NOMO1: variants seen among roughly 807,000 people sequenced by gnomAD.
NOMO1 encodes the protein nodal modulator 3.
NOMO1 carries 40 observed loss-of-function variants against 133.8 expected under a neutral mutation model. That is an observed-to-expected ratio of 0.30 (90% CI 0.23 to 0.39). The LOEUF is 0.39. NOMO1 is among the 10% of genes least tolerant of loss of function. The pLI is 1.00. For missense variants in NOMO1, 462 were observed against 1,419.9 expected (o/e 0.33, Z 10.84); for synonymous variants, 236 against 570.5 (o/e 0.41, Z 8.36).
intron 26 of NOMO1, among the ~76,000 whole-genome samples, chr16:14,883,082 CTT>C (rs1444062649): frequency 6.6e-6 from 1 of 152,008 alleles, no homozygotes; most frequent in African/African-American, 2.4e-5. Context: ...TGGGCAGAGT[CTT>C]TTGATACTCA....
intron 26 of NOMO1, 117 bp downstream of exon 26, chr16:14,882,794 T>C (rs1964264161): frequency 2.0e-6 from 3 of 1,537,302 alleles, no homozygotes; most frequent in Non-Finnish European, 2.7e-6. Context: ...TTCATCCTAA[T>C]TAAGGGTCCT....
intron 4 of NOMO1, among the ~76,000 whole-genome samples, chr16:14,845,404 G>A (rs1441414373): frequency 6.6e-6 from 1 of 151,986 alleles, no homozygotes; most frequent in East Asian, 1.9e-4. Flanking sequence ...CACTCTCTAA[G>A]CCTTGTGGCA....
At chr16:14,871,499 G>A (rs1315903950) in intron 16 of NOMO1, 122 bp from the exon 17 acceptor site, 2 of 935,416 alleles carry the variant, frequency 2.1e-6, no homozygotes, top group African/African-American at 3.4e-5. Context: ...TCCCATTATT[G>A]CAGATCTGCG....
intron 9 of NOMO1, 88 bp from the exon 10 acceptor site, chr16:14,857,129 A>G: frequency 6.3e-7 from 1 of 1,577,104 alleles, no homozygotes; most frequent in South Asian, 1.1e-5. Context: ...CAGACATGGT[A>G]GGTGGTGGCC....
intron 27 of NOMO1, 27 bp from the exon 28 acceptor site, chr16:14,886,734 C>G: frequency 6.2e-7 from 1 of 1,610,488 alleles, no homozygotes. Context: ...AGTTTCAAAG[C>G]ATGTCTGACT....
At chr16:14,883,770 G>A (rs1406767865) in intron 26 of NOMO1, among the ~76,000 whole-genome samples, 4 of 151,222 alleles carry the variant, frequency 2.6e-5, no homozygotes, top group South Asian at 4.2e-4. Flanking sequence ...GACTGTGGCC[G>A]GGCAGGTATG....
chr16:14,894,221 G>C (rs1165609977), intron 29 of NOMO1, among the ~76,000 whole-genome samples: 1 of 152,060 alleles, frequency 6.6e-6, no homozygotes, highest in Non-Finnish European at 1.5e-5. Flanking sequence ...AGGGGACCCA[G>C]GCCCCTTCTG....
chr16:14,877,779 C>T lies in NOMO1; in HGVS notation c.2644-942C>T, dbSNP rs1384918616. Among the ~76,000 whole-genome samples the T allele has an allele frequency of 2.1e-5, 3 of 145,586 alleles. No homozygotes were observed. In the South Asian group the frequency reaches 6.9e-4, roughly 33 times the overall value. ...CTATTTTTTGGTAAGTGTGGGTTTT[C>T]CCAAGCATAAATAATTTATGGGACT... On this transcript the variant is annotated intron_variant, in intron 22 of 30. Transcript: ENST00000287667.
chr16:14,889,232 G>A lies in NOMO1; in HGVS notation c.3444+17G>A. The A allele has an allele frequency of 2.5e-6, 4 of 1,611,422 alleles. No individual in the cohort carries two copies. The highest frequency in any genetic ancestry group is 2.3e-4 in the Middle Eastern group (1 of 4,428). ...AATCCCACGGTAAGTAAAAGAGGGAGTTAAAAAAAAACCCATGGGCTGGGT... is the reference window on the plus strand; with the variant it reads ...AATCCCACGGTAAGTAAAAGAGGGAATTAAAAAAAAACCCATGGGCTGGGT... On this transcript the variant is annotated intron_variant, in intron 29 of 30. Coordinates refer to ENST00000287667, the MANE Select transcript of NOMO1 (RefSeq NM_014287.4).
chr16:14,867,091 CTT>C (rs1169932524), intron 15 of NOMO1, among the ~76,000 whole-genome samples: 2 of 114,636 alleles, frequency 1.7e-5, no homozygotes, highest in Non-Finnish European at 3.6e-5. Flanking sequence ...AGTGAACCCT[CTT>C]AGGTATCAAA....
At chr16:14,866,120 C>A (rs1488686436) in intron 14 of NOMO1, among the ~76,000 whole-genome samples, 1 of 147,902 alleles carries the variant, frequency 6.8e-6, no homozygotes, top group Non-Finnish European at 1.5e-5. Flanking sequence ...TGTGGTGGCG[C>A]GACCTTGGCT....
chr16:14,886,821 T>A lies in NOMO1; in HGVS notation c.3283T>A (p.Ser1095Thr). 2 of 1,611,730 alleles carry A rather than the reference T, an allele frequency of 1.2e-6. No individual in the cohort carries two copies. The highest frequency in any genetic ancestry group is 1.1e-5 in the South Asian group (1 of 90,960). Residue 1095 changes from serine (S) to threonine (T), a missense_variant, in exon 28 of 31, where the codon TCC becomes ACC. By Grantham distance (58) the Ser-to-Thr change is moderately conservative. Coordinates refer to ENST00000287667, the MANE Select transcript of NOMO1 (RefSeq NM_014287.4). ...NPIQTVSLGQ[S>T]LFFHFPPLLR... ...AATCCAGACAGTTTCCCTTGGCCAG[T>A]CCCTGTTCTTCCATTTCCCCCCACT...
In NOMO1 at chr16:14,873,113, T is replaced by C. The variant is rs1218700725; in HGVS notation, c.2054+784T>C. 2.3e-5 allele frequency among the ~76,000 whole-genome samples: 2 copies of C among 86,732 alleles called. 1 individual carries two copies. The highest frequency in any genetic ancestry group is 6.3e-5 in the Non-Finnish European group (2 of 31,930). The allele number at this position is 86,732 out of a possible 152,430, so 56.9% of individuals were successfully genotyped here. On this transcript the variant is annotated intron_variant, in intron 18 of 30. Coordinates refer to ENST00000287667, the MANE Select transcript of NOMO1 (RefSeq NM_014287.4). ...TACACTTATGGGATTGACAGTCTCA[T>C]GGGGGGAACAGTGGTCAGATACTCA...
intron 14 of NOMO1, among the ~76,000 whole-genome samples, chr16:14,866,248 T>C (rs1233327287): frequency 6.7e-6 from 1 of 148,970 alleles, no homozygotes; most frequent in Non-Finnish European, 1.5e-5. Context: ...TTAGTAGAGA[T>C]GGGGTTTTGC....
chr16:14,873,960 C>G (rs1964115541), intron 18 of NOMO1, among the ~76,000 whole-genome samples: 1 of 151,582 alleles, frequency 6.6e-6, no homozygotes, highest in South Asian at 2.1e-4. Context: ...CCAACAAAGC[C>G]TTGGCTTTAC....
chr16:14,882,870 A>G (rs1350786491), intron 26 of NOMO1, among the ~76,000 whole-genome samples, 193 bp downstream of exon 26: 3 of 152,046 alleles, frequency 2.0e-5, no homozygotes, highest in Non-Finnish European at 2.9e-5. Context: ...CGTTGCTGTC[A>G]TGCATCCAGA....
rs1051499634 is a variant in NOMO1, at chr16:14,883,842, G to C, written c.3112-530G>C. On this transcript the variant is annotated intron_variant, in intron 26 of 30. Coordinates refer to ENST00000287667, the MANE Select transcript of NOMO1 (RefSeq NM_014287.4). ...CTCCATGTACAGACCTCACGCAGAG[G>C]GGGTGCTGTGACTCTGCCCCTGCTC... 2.6e-5 allele frequency among the ~76,000 whole-genome samples: 4 copies of C among 151,348 alleles called. 1 individual carries two copies. In the East Asian group the frequency reaches 7.8e-4, roughly 29 times the overall value.
At chr16:14,868,787 G>C in intron 16 of NOMO1, 152 bp downstream of exon 16, 1 of 618,568 alleles carries the variant, frequency 1.6e-6, no homozygotes, top group Non-Finnish European at 2.9e-6. Flanking sequence ...TGTCTGTCTT[G>C]GGTTTGAGTT....
At chr16:14,888,468 A>G (rs1333296562) in intron 28 of NOMO1, 1 of 153,742 alleles carries the variant, frequency 6.5e-6, no homozygotes, top group African/African-American at 2.5e-5. Flanking sequence ...AGACGGGGTG[A>G]TGATCCCGAC....
Sources: gnomAD v4.1 joint callset for allele counts (sites outside exome capture counted in the v4.1 genomes callset) on GRCh38, gnomAD v4.1.1 for gene constraint, MANE v1.5 for transcripts, NCBI Gene and HGNC (gene_info 2026-07-23, HGNC 2026-07-21) for gene names.